The following PIEZO2 variants were observed in gnomAD, a reference collection of about 807,000 sequenced individuals.
The protein encoded by PIEZO2 is piezo type mechanosensitive ion channel component 2, also known as piezo-type mechanosensitive ion channel component 2.
A neutral mutation model predicts 337.3 loss-of-function variants in PIEZO2; 172 were observed. The ratio of observed to expected loss-of-function variants is 0.51; its 90% CI spans 0.45 to 0.58. The LOEUF is 0.58. Ranked by LOEUF, PIEZO2 falls within the 20% of genes least tolerant of loss-of-function variation. The pLI is 0.00. For missense variants in PIEZO2, 3,028 were observed against 3,391.3 expected, an observed-to-expected ratio of 0.89 and a Z score of 2.66; for synonymous variants, 1,251 against 1,228.5, an observed-to-expected ratio of 1.02 and a Z score of -0.38.
intron 1 of PIEZO2, among the ~76,000 whole-genome samples, chr18:11,072,349 G>T (rs1254141100): frequency 6.6e-6 from 1 of 152,126 alleles, no homozygotes; most frequent in African/African-American, 2.4e-5. Context: ...CACCCCAATT[G>T]ACATGGCCCC....
chr18:10,736,688 A>G lies in PIEZO2; in HGVS notation c.4731T>C (p.Tyr1577=), dbSNP rs2037009360. The change falls in exon 34 of 56, where the codon TAT becomes TAC. Residue 1577 remains tyrosine, a synonymous_variant. Coordinates refer to ENST00000674853, the MANE Select transcript of PIEZO2 (RefSeq NM_001378183.1). ...HASMVRSGDY[Y]LFETDSEEEE... is the part of the protein sequence containing the mutation. ...CCTCTTCACTATCCGTTTCAAACAA[A>G]TAATAATCTCCACTCCTGACCACTA... The G allele has an allele frequency of 1.3e-6, 2 of 1,536,944 alleles. No homozygotes were observed. Among genetic ancestry groups the G allele is most frequent in the Non-Finnish European group, 1.7e-6 (2 of 1,146,776 alleles).
chr18:11,065,413 A>C (rs1482339436), intron 2 of PIEZO2, among the ~76,000 whole-genome samples: 1 of 152,246 alleles, frequency 6.6e-6, no homozygotes, highest in Non-Finnish European at 1.5e-5. Context: ...TACTAAATTA[A>C]CTCAGTGTGG....
rs532705673 is a variant in PIEZO2, at chr18:10,911,918, C to T, written c.287-690G>A. 3.2e-4 allele frequency among the ~76,000 whole-genome samples: 49 copies of T among 152,264 alleles called. 1 individual carries two copies. Among genetic ancestry groups the T allele is most frequent in the African/African-American group, 1.1e-3 (46 of 41,558 alleles). On this transcript the variant is annotated intron_variant, in intron 3 of 55. Coordinates refer to ENST00000674853, the MANE Select transcript of PIEZO2 (RefSeq NM_001378183.1). ...AATATGGTGGAACTCTCCTGTTAAA[C>T]GTAATCAAACAGCTGTACGTTCTAA...
Position 11,038,064 on chromosome 18 carries a change from A to G in PIEZO2, c.160+28063T>C, listed in dbSNP as rs927551097. Among the ~76,000 whole-genome samples, 6 of 152,192 alleles carry G rather than the reference A, an allele frequency of 3.9e-5. No homozygotes were observed. Among genetic ancestry groups the G allele is most frequent in the African/African-American group, 1.4e-4 (6 of 41,458 alleles). On this transcript the variant is annotated intron_variant, in intron 2 of 55. Transcript: ENST00000674853. This position sits in a 1 kb window ranked among gnomAD's most constrained non-coding sequence, Gnocchi z 4.1. ...ACAACAGTAGGTGAGATGTAAGATA[A>G]GAAGGAGGAAGTCACACTTGTTTTT...
chr18:10,940,048 T>C lies in PIEZO2; in HGVS notation c.287-28820A>G, dbSNP rs76723547. ...GACTATGTTAGTTCCTTATTATCTA[T>C]ACTCTGGGGACAGTGAGTTTCCCCT... On this transcript the variant is annotated intron_variant, in intron 3 of 55. Transcript: ENST00000674853. The surrounding 1 kb of genome is among the most constrained non-coding windows in gnomAD (Gnocchi z 5.3). Among the ~76,000 whole-genome samples the C allele has an allele frequency of 9.8e-3, 1,493 of 152,286 alleles. 19 individuals carry two copies. The highest frequency in any genetic ancestry group is 0.033 in the African/African-American group (1,386 of 41,552).
At chr18:10,966,618 T>C (rs182958965) in intron 3 of PIEZO2, among the ~76,000 whole-genome samples, 2 of 152,228 alleles carry the variant, frequency 1.3e-5, no homozygotes, top group African/African-American at 2.4e-5. Flanking sequence ...TAATTTAATT[T>C]TAATTATTTT....
chr18:10,959,767 C>A (rs155321), intron 3 of PIEZO2, among the ~76,000 whole-genome samples: 58,448 of 151,988 alleles, frequency 0.38, 12,642 homozygotes, highest in Non-Finnish European at 0.49. Flanking sequence ...ATCTACATTT[C>A]TTTTAAGTAA....
chr18:10,890,714 G>T (rs1488239486), intron 4 of PIEZO2: 1 of 151,778 alleles, frequency 6.6e-6, no homozygotes, highest in African/African-American at 2.4e-5. Context: ...GACACATGGG[G>T]ATTATGGGAA....
chr18:11,090,734 A>AC (rs1430055021), intron 1 of PIEZO2, among the ~76,000 whole-genome samples: 2 of 151,988 alleles, frequency 1.3e-5, no homozygotes, highest in Non-Finnish European at 2.9e-5. Context: ...ACACGGTGAA[A>AC]CCAGTCTCTA....
At chr18:11,135,054 T>A (rs567773510) in intron 1 of PIEZO2, among the ~76,000 whole-genome samples, 66 of 149,184 alleles carry the variant, frequency 4.4e-4, no homozygotes, top group East Asian at 7.8e-4. Context: ...AAAAAAAAAA[T>A]TTTTTTTCTT....
At chr18:10,932,123 C>G (rs566579568) in intron 3 of PIEZO2, among the ~76,000 whole-genome samples, 62 of 152,288 alleles carry the variant, frequency 4.1e-4, no homozygotes, top group Non-Finnish European at 6.9e-4. Flanking sequence ...TTTTTGCCTA[C>G]AAAACAACAA....
intron 7 of PIEZO2, 125 bp from the exon 8 acceptor site, chr18:10,807,399 A>G: frequency 1.3e-6 from 1 of 796,200 alleles, no homozygotes; most frequent in Non-Finnish European, 1.9e-6. Flanking sequence ...TCTATTGTAG[A>G]TATTTCAATT....
In PIEZO2 at chr18:11,131,659, G is replaced by A. The variant is rs143502904; in HGVS notation, c.64+16866C>T. Among the ~76,000 whole-genome samples, 17 of 152,336 alleles carry A rather than the reference G, an allele frequency of 1.1e-4. No individual in the cohort carries two copies. Among genetic ancestry groups the A allele is most frequent in the Non-Finnish European group, 2.2e-4 (15 of 68,030 alleles). The stretch of plus-strand genomic sequence containing the variant: ...ATTATATACTGATTAATGGGATGTA[G>A]CCAATGTTTTGGCTGGATGGTCAGG... On this transcript the variant is annotated intron_variant, in intron 1 of 55. Transcript: ENST00000674853. The surrounding 1 kb of genome is among the most constrained non-coding windows in gnomAD (Gnocchi z 5.3).
At chr18:10,738,911 C>A (rs1266337523) in intron 33 of PIEZO2, 3 of 152,122 alleles carry the variant, frequency 2.0e-5, no homozygotes, top group African/African-American at 4.8e-5. Flanking sequence ...CTATACAGAC[C>A]ATGCTAAAAT....
At chr18:10,887,516 G>A (rs1420564133) in intron 4 of PIEZO2, among the ~76,000 whole-genome samples, 2 of 152,050 alleles carry the variant, frequency 1.3e-5, no homozygotes, top group Non-Finnish European at 2.9e-5. Flanking sequence ...CATGAGATTT[G>A]GGTGGGGACA....
intron 2 of PIEZO2, among the ~76,000 whole-genome samples, chr18:11,025,709 TA>T (rs1038951211): frequency 3.3e-5 from 5 of 152,196 alleles, no homozygotes; most frequent in East Asian, 3.9e-4. Context: ...AGGACACAGA[TA>T]GGGGAAGAGG....
intron 3 of PIEZO2, among the ~76,000 whole-genome samples, chr18:10,928,191 G>C (rs143624403): frequency 3.3e-5 from 5 of 152,272 alleles, no homozygotes; most frequent in Non-Finnish European, 5.9e-5. Flanking sequence ...AAGGGAAAGC[G>C]GGGGAGCTAT....
chr18:10,724,624 C>A lies in PIEZO2; in HGVS notation c.5030-6365G>T. On this transcript the variant is annotated intron_variant, in intron 36 of 55. Transcript: ENST00000674853. This position sits in a 1 kb window ranked among gnomAD's most constrained non-coding sequence, Gnocchi z 5.8. ...ATGTGACCCCCAAGACAGAATGGTG[C>A]TGGACTCGGGGTCTCAGGCGTATGA... 1 of 684,918 alleles carries A rather than the reference C, an allele frequency of 1.5e-6. No homozygotes were observed. Among genetic ancestry groups the A allele is most frequent in the South Asian group, 1.9e-5 (1 of 53,166 alleles). The allele number at this position is 684,918 out of a possible 1,614,324, so 42.4% of individuals were successfully genotyped here.
In PIEZO2 at chr18:10,718,178, A is replaced by G. The variant is rs1402666254; in HGVS notation, c.5089+22T>C. Reference sequence around the variant, plus strand: ...ATCATTTTCAAAGTTCCCACAGCTCATATTTGTCTTTATTTTGTTACCTGG... The same window carrying G: ...ATCATTTTCAAAGTTCCCACAGCTCGTATTTGTCTTTATTTTGTTACCTGG... On this transcript the variant is annotated intron_variant, in intron 37 of 55. Transcript: ENST00000674853. 5 of 1,527,044 alleles carry G rather than the reference A, an allele frequency of 3.3e-6. No individual in the cohort carries two copies. The East Asian group carries it at 1.2e-4, about 37-fold the overall frequency. 94.6% of individuals were successfully genotyped at this position (1,527,044 alleles called of 1,614,324 possible).
Sources: gnomAD v4.1 joint callset for allele counts (sites outside exome capture counted in the v4.1 genomes callset) on GRCh38, gnomAD v4.1.1 for gene constraint, Gnocchi (gnomAD v3.1) non-coding constraint, MANE v1.5 for transcripts, NCBI Gene and HGNC (gene_info 2026-07-23, HGNC 2026-07-21) for gene names.